YWHAE: variants seen among roughly 807,000 people sequenced by gnomAD.
YWHAE encodes the protein 14-3-3 protein epsilon.
A neutral mutation model predicts 30.1 loss-of-function variants in YWHAE; 4 were observed. The ratio of observed to expected loss-of-function variants is 0.13; its 90% CI spans 0.07 to 0.30. The LOEUF is 0.30. Ranked by LOEUF, YWHAE falls within the 10% of genes least tolerant of loss-of-function variation. The pLI, the probability that YWHAE is intolerant of heterozygous loss-of-function variation, is 1.00. For missense variants in YWHAE, 121 were observed against 315.9 expected, an observed-to-expected ratio of 0.38 and a Z score of 4.68; for synonymous variants, 118 against 111.8, an observed-to-expected ratio of 1.06 and a Z score of -0.35.
chr17:1,355,103 C>G (rs1286684489), intron 4 of YWHAE, among the ~76,000 whole-genome samples: 1 of 80,166 alleles, frequency 1.2e-5, no homozygotes, highest in Non-Finnish European at 2.5e-5. Flanking sequence ...ACACTACCAC[C>G]CCCAAGATTT....
chr17:1,364,046 T>G (rs894523620), intron 2 of YWHAE, among the ~76,000 whole-genome samples: 2 of 152,152 alleles, frequency 1.3e-5, no homozygotes, highest in African/African-American at 4.8e-5. Flanking sequence ...CAAAAGCACC[T>G]CTAATTGAAA....
At chr17:1,384,766 C>T (rs71360488) in intron 1 of YWHAE, among the ~76,000 whole-genome samples, 5,543 of 152,026 alleles carry the variant, frequency 0.036, 123 homozygotes, top group South Asian at 0.052. Flanking sequence ...AGTGCAATGG[C>T]GCTATCTCGG....
At chr17:1,387,882 TC>T (rs2073322894) in intron 1 of YWHAE, among the ~76,000 whole-genome samples, 1 of 145,906 alleles carries the variant, frequency 6.9e-6, no homozygotes, top group Non-Finnish European at 1.5e-5. Flanking sequence ...CTTCTTGGCC[TC>T]CCAAAGTGCT....
intron 1 of YWHAE, among the ~76,000 whole-genome samples, chr17:1,389,532 T>C (rs1050233255): frequency 1.3e-5 from 2 of 151,284 alleles, no homozygotes; most frequent in Non-Finnish European, 1.5e-5. Context: ...ACGTTTTCTT[T>C]CTTTTTTTTT....
intron 1 of YWHAE, among the ~76,000 whole-genome samples, chr17:1,394,720 C>T (rs1342503148): frequency 6.6e-6 from 1 of 151,806 alleles, no homozygotes; most frequent in Non-Finnish European, 1.5e-5. Flanking sequence ...TAATGCTAGC[C>T]CTTTGGGAGG....
chr17:1,379,441 C>T (rs561255039), intron 1 of YWHAE, among the ~76,000 whole-genome samples: 3 of 152,110 alleles, frequency 2.0e-5, no homozygotes, highest in South Asian at 2.1e-4. Context: ...GCTGTGATCA[C>T]GCCACTGCAC....
intron 1 of YWHAE, among the ~76,000 whole-genome samples, chr17:1,394,719 C>A (rs1382314005): frequency 6.6e-6 from 1 of 152,020 alleles, no homozygotes; most frequent in African/African-American, 2.4e-5. Context: ...GTAATGCTAG[C>A]CCTTTGGGAG....
chr17:1,355,290 G>A lies in YWHAE; in HGVS notation c.579-943C>T, dbSNP rs550512589. Reference sequence around the variant, plus strand: ...TCCTGCCTCAGCCTCCCGAGTAGCCGGGACTACAGGCGCCCGCCACCACAC... The same window carrying A: ...TCCTGCCTCAGCCTCCCGAGTAGCCAGGACTACAGGCGCCCGCCACCACAC... On this transcript the variant is annotated intron_variant, in intron 4 of 5. Transcript: ENST00000264335. Among the ~76,000 whole-genome samples, 20 of 149,810 alleles carry A rather than the reference G, an allele frequency of 1.3e-4. No individual in the cohort carries two copies. The East Asian group carries it at 3.2e-3, about 24-fold the overall frequency.
At chr17:1,392,052 T>G (rs2073396074) in intron 1 of YWHAE, among the ~76,000 whole-genome samples, 1 of 151,974 alleles carries the variant, frequency 6.6e-6, no homozygotes, top group Admixed American at 6.6e-5. Flanking sequence ...CTACAAAAAT[T>G]AGCCAGAAGT....
intron 1 of YWHAE, among the ~76,000 whole-genome samples, chr17:1,394,421 G>A (rs1219987248): frequency 1.1e-5 from 1 of 94,042 alleles, no homozygotes; most frequent in Non-Finnish European, 1.8e-5. Context: ...GGGCAACATA[G>A]AGACCTCAAA....
chr17:1,351,391 T>A (rs1174792428), intron 5 of YWHAE, among the ~76,000 whole-genome samples: 2 of 150,250 alleles, frequency 1.3e-5, no homozygotes, highest in Non-Finnish European at 3.0e-5. Context: ...AAAAAAAAAA[T>A]AAAACACACA....
At chr17:1,399,997 G>T in intron 1 of YWHAE, 50 bp downstream of exon 1, 1 of 1,607,574 alleles carries the variant, frequency 6.2e-7, no homozygotes, top group Non-Finnish European at 8.5e-7. Context: ...CTCTGTGGGC[G>T]GCGGCAGAGG....
At chr17:1,368,926 A>G (rs543891489) in intron 1 of YWHAE, among the ~76,000 whole-genome samples, 1 of 152,354 alleles carries the variant, frequency 6.6e-6, no homozygotes, top group East Asian at 1.9e-4. Context: ...AATTTAAGTT[A>G]CATATCTCGA....
At chr17:1,371,538 A>G (rs2073042661) in intron 1 of YWHAE, among the ~76,000 whole-genome samples, 1 of 152,154 alleles carries the variant, frequency 6.6e-6, no homozygotes, top group South Asian at 2.1e-4. Flanking sequence ...TAAACCAGGC[A>G]GAGTAAATTT....
intron 1 of YWHAE, among the ~76,000 whole-genome samples, chr17:1,390,687 G>A (rs192870204): frequency 6.6e-6 from 1 of 152,304 alleles, no homozygotes. Flanking sequence ...ATGAAATACT[G>A]TCATAACTCT....
rs1355922579 is a variant in YWHAE, at chr17:1,370,282, A to G, written c.65-5224T>C. On this transcript the variant is annotated intron_variant, in intron 1 of 5. Coordinates refer to ENST00000264335, the MANE Select transcript of YWHAE (RefSeq NM_006761.5). ...GCTGGGACCACAGGCGCCCGTCACC[A>G]TGCCCAGTGAATTTTTTTGTGTGTA... Among the ~76,000 whole-genome samples, 10 of 151,366 alleles carry G rather than the reference A, an allele frequency of 6.6e-5. 1 individual carries two copies. The East Asian group carries it at 9.8e-4, about 15-fold the overall frequency.
chr17:1,385,373 C>G (rs2073284783), intron 1 of YWHAE, among the ~76,000 whole-genome samples: 1 of 152,134 alleles, frequency 6.6e-6, no homozygotes, highest in Non-Finnish European at 1.5e-5. Context: ...GGCCTCCCAA[C>G]TACATGCCTC....
intron 1 of YWHAE, among the ~76,000 whole-genome samples, chr17:1,376,559 C>T (rs1460726477): frequency 1.3e-5 from 2 of 151,500 alleles, no homozygotes; most frequent in Non-Finnish European, 2.9e-5. Context: ...GTCTCCAACT[C>T]CTGGGCTCAA....
intron 1 of YWHAE, among the ~76,000 whole-genome samples, chr17:1,390,729 A>G (rs1475797345): frequency 6.6e-6 from 1 of 152,252 alleles, no homozygotes; most frequent in Non-Finnish European, 1.5e-5. Flanking sequence ...AACTTTAGAT[A>G]TGAATGAAGA....
Sources: gnomAD v4.1 joint callset for allele counts (sites outside exome capture counted in the v4.1 genomes callset) on GRCh38, gnomAD v4.1.1 for gene constraint, MANE v1.5 for transcripts, NCBI Gene and HGNC (gene_info 2026-07-23, HGNC 2026-07-21) for gene names.